The following CENPC variants were observed in gnomAD, a reference collection of about 807,000 sequenced individuals.
CENPC encodes centromere protein C, also known as CENP-C 1.
In CENPC, 63 loss-of-function variants were observed where a neutral mutation model predicts 112.1. That is an observed-to-expected ratio of 0.56 (90% CI 0.46 to 0.69). The LOEUF (loss-of-function observed/expected upper bound fraction) is 0.69. Ranked by LOEUF, CENPC falls within the 30% of genes least tolerant of loss-of-function variation. The pLI is 0.00. For missense variants in CENPC, 1,000 were observed against 1,103.8 expected, an observed-to-expected ratio of 0.91 and a Z score of 1.33; for synonymous variants, 333 against 367.6, an observed-to-expected ratio of 0.91 and a Z score of 1.08.
intron 17 of CENPC, among the ~76,000 whole-genome samples, chr4:67,480,777 G>A (rs1298113618): frequency 1.3e-5 from 2 of 152,162 alleles, no homozygotes; most frequent in Non-Finnish European, 2.9e-5. Flanking sequence ...AGCAAAATCG[G>A]CATAGAAGGA....
At chr4:67,510,462 T>C (rs1472956876) in intron 9 of CENPC, among the ~76,000 whole-genome samples, 1 of 152,204 alleles carries the variant, frequency 6.6e-6, no homozygotes, top group Non-Finnish European at 1.5e-5. Flanking sequence ...AGTAATTGAT[T>C]GGTATTTTAT....
At chr4:67,539,308 A>C (rs1726815701) in intron 4 of CENPC, among the ~76,000 whole-genome samples, 2 of 152,220 alleles carry the variant, frequency 1.3e-5, no homozygotes, top group Admixed American at 1.3e-4. Flanking sequence ...AGTAAGTGTT[A>C]CTTCTAGCAC....
intron 4 of CENPC, among the ~76,000 whole-genome samples, chr4:67,533,322 A>G (rs1167934665): frequency 6.6e-6 from 1 of 152,146 alleles, no homozygotes; most frequent in African/African-American, 2.4e-5. Flanking sequence ...GCCCTATGCC[A>G]TGATTATGAG....
At chr4:67,528,232 G>A (rs1726442020) in intron 5 of CENPC, among the ~76,000 whole-genome samples, 1 of 152,062 alleles carries the variant, frequency 6.6e-6, no homozygotes, top group African/African-American at 2.4e-5. Context: ...GTACAGTTAG[G>A]ATTAACCTTA....
chr4:67,489,358 A>C lies in CENPC; in HGVS notation c.2670+609T>G, dbSNP rs1255301349. ...CTTGAATCTCATTACAACTTCAGCC[A>C]GTAATATTGTTACATATAATAGTAT... On this transcript the variant is annotated intron_variant, in intron 17 of 18. Transcript: ENST00000273853. Among the ~76,000 whole-genome samples the C allele has an allele frequency of 2.6e-5, 4 of 151,902 alleles. No individual in the cohort carries two copies. The East Asian group carries it at 7.7e-4, about 29-fold the overall frequency.
At chr4:67,479,530 AT>A (rs1560418243) in intron 17 of CENPC, among the ~76,000 whole-genome samples, 2 of 152,234 alleles carry the variant, frequency 1.3e-5, no homozygotes, top group Non-Finnish European at 2.9e-5. Context: ...CTGAACAATA[AT>A]AGTGACACAA....
At chr4:67,537,318 A>T (rs1346831769) in intron 4 of CENPC, among the ~76,000 whole-genome samples, 1 of 152,194 alleles carries the variant, frequency 6.6e-6, no homozygotes, top group Non-Finnish European at 1.5e-5. Flanking sequence ...ATTCAATGAA[A>T]TATACACGCA....
At chr4:67,529,136 A>G (rs1023684296) in intron 5 of CENPC, among the ~76,000 whole-genome samples, 32 of 152,128 alleles carry the variant, frequency 2.1e-4, no homozygotes, top group Admixed American at 7.2e-4. Context: ...AAGTCTATAC[A>G]CAGAATGTAA....
chr4:67,533,153 C>T (rs190405081), intron 4 of CENPC, among the ~76,000 whole-genome samples: 143 of 152,266 alleles, frequency 9.4e-4, no homozygotes, highest in South Asian at 8.3e-4. Flanking sequence ...TTGTGGAAGG[C>T]GCCCAGGGGG....
In CENPC at chr4:67,477,758, A is replaced by G. The variant is rs545136243; in HGVS notation, c.2671-2780T>C. Among the ~76,000 whole-genome samples, 5 of 152,342 alleles carry G rather than the reference A, an allele frequency of 3.3e-5. No homozygotes were observed. In the South Asian group the frequency reaches 1.0e-3, roughly 32 times the overall value. On this transcript the variant is annotated intron_variant, in intron 17 of 18. Transcript: ENST00000273853. Reference sequence around the variant, plus strand: ...AGGTTGATTATTACATTACTCAAGGAGGCACCAGAGAAAGATGAAAACCAA... The same window carrying G: ...AGGTTGATTATTACATTACTCAAGGGGGCACCAGAGAAAGATGAAAACCAA...
chr4:67,472,759 T>C (rs1409238311), intron 18 of CENPC, 84 bp from the exon 19 acceptor site: 10 of 1,308,980 alleles, frequency 7.6e-6, no homozygotes, highest in African/African-American at 3.0e-5. Flanking sequence ...CACCTGACAG[T>C]TGTAGTATAG....
At chr4:67,545,014 T>G (rs1433526745) in intron 1 of CENPC, among the ~76,000 whole-genome samples, 1 of 151,806 alleles carries the variant, frequency 6.6e-6, no homozygotes, top group African/African-American at 2.4e-5. Context: ...GCCACTGCAC[T>G]CCAGCCTGGG....
At chr4:67,509,892 T>A (rs989900466) in intron 9 of CENPC, among the ~76,000 whole-genome samples, 3 of 152,178 alleles carry the variant, frequency 2.0e-5, no homozygotes, top group Admixed American at 6.6e-5. Flanking sequence ...TTTTAGTTAT[T>A]ATCTATAGCT....
intron 12 of CENPC, among the ~76,000 whole-genome samples, chr4:67,499,377 C>A (rs2109786459): frequency 6.6e-6 from 1 of 152,330 alleles, no homozygotes; most frequent in East Asian, 1.9e-4. Flanking sequence ...AAGACACCTT[C>A]AATTATCTCA....
At chr4:67,539,158 T>C (rs1726811922) in intron 4 of CENPC, among the ~76,000 whole-genome samples, 1 of 152,198 alleles carries the variant, frequency 6.6e-6, no homozygotes, top group South Asian at 2.1e-4. Flanking sequence ...AAACCTAAAG[T>C]TGCTTTAACT....
chr4:67,488,951 C>T (rs1439025355), intron 17 of CENPC, among the ~76,000 whole-genome samples: 1 of 151,732 alleles, frequency 6.6e-6, no homozygotes, highest in African/African-American at 2.4e-5. Context: ...CACAATTTTT[C>T]CCTCCTTTTT....
intron 17 of CENPC, among the ~76,000 whole-genome samples, chr4:67,477,956 A>C (rs1207670606): frequency 6.6e-6 from 1 of 152,098 alleles, no homozygotes; most frequent in Non-Finnish European, 1.5e-5. Context: ...AGAACTTCAG[A>C]GCTCAAAAAC....
intron 16 of CENPC, among the ~76,000 whole-genome samples, chr4:67,491,474 T>A (rs866766034): frequency 3.1e-5 from 1 of 32,766 alleles, no homozygotes; most frequent in Non-Finnish European, 6.3e-5. Flanking sequence ...TATATATATA[T>A]ATATATAGAG....
intron 17 of CENPC, among the ~76,000 whole-genome samples, chr4:67,484,295 T>C (rs1331254232): frequency 6.6e-6 from 1 of 152,214 alleles, no homozygotes; most frequent in East Asian, 1.9e-4. Context: ...TATCATCTTA[T>C]GACGTTCATA....
Sources: gnomAD v4.1 joint callset for allele counts (sites outside exome capture counted in the v4.1 genomes callset) on GRCh38, gnomAD v4.1.1 for gene constraint, MANE v1.5 for transcripts, NCBI Gene and HGNC (gene_info 2026-07-23, HGNC 2026-07-21) for gene names.